Variants in COL6A6 observed in about 807,000 individuals in gnomAD.
COL6A6 encodes the protein collagen type VI alpha 6 chain.
COL6A6 carries 183 observed loss-of-function variants against 208.6 expected under a neutral mutation model. The ratio of observed to expected loss-of-function variants is 0.88; its 90% CI spans 0.78 to 0.99. COL6A6 has a LOEUF of 0.99. Among genes scored for constraint, COL6A6 ranks in the 50% least tolerant of loss-of-function variants. The pLI is 0.00. For synonymous variants in COL6A6, 973 were observed against 1,011.8 expected, an observed-to-expected ratio of 0.96 and a Z score of 0.73; for missense variants, 2,816 against 2,815.2, an observed-to-expected ratio of 1.00 and a Z score of -0.01.
chr3:130,586,450 A>G, intron 10 of COL6A6, 56 bp from the exon 11 acceptor site: 2 of 1,514,042 alleles, frequency 1.3e-6, no homozygotes, highest in Non-Finnish European at 1.8e-6. Context: ...ATGCTTGCAA[A>G]AAACTAAAGT....
Position 130,591,051 on chromosome 3 carries a change from G to C in COL6A6, c.4229G>C (p.Gly1410Ala). The stretch of plus-strand genomic sequence containing the variant: ...TTTTCTTATTTCCAGGGACCTCCAG[G>C]TTTTAAAGGCAGTGAAGGCTACCTG... ...PGPPGKRGPP[G>A]FKGSEGYLGE... The change falls in exon 13 of 37, where the codon GGT becomes GCT. Residue 1410 changes from glycine to alanine, a missense_variant. Gly to Ala is a moderately conservative substitution (Grantham distance 60, BLOSUM62 0). Coordinates refer to ENST00000358511, the MANE Select transcript of COL6A6 (RefSeq NM_001102608.3). The C allele has an allele frequency of 6.3e-7, 1 of 1,580,142 alleles. No individual in the cohort carries two copies. The highest frequency in any genetic ancestry group is 8.6e-7 in the Non-Finnish European group (1 of 1,161,068).
chr3:130,535,171 C>G (rs2062195306), intron 1 of COL6A6, among the ~76,000 whole-genome samples: 1 of 152,092 alleles, frequency 6.6e-6, no homozygotes, highest in Non-Finnish European at 1.5e-5. Context: ...TGTTCTCACT[C>G]CAGGCTTTTA....
intron 1 of COL6A6, among the ~76,000 whole-genome samples, chr3:130,543,924 G>A (rs560682780): frequency 6.6e-6 from 1 of 152,098 alleles, no homozygotes; most frequent in Non-Finnish European, 1.5e-5. Flanking sequence ...CTTTTTTATT[G>A]TGTATTTTTA....
At chr3:130,664,907 A>G (rs1398066463) in intron 35 of COL6A6, 96 bp from the exon 36 acceptor site, 4 of 769,930 alleles carry the variant, frequency 5.2e-6, no homozygotes, top group Non-Finnish European at 8.6e-6. Flanking sequence ...CTTGATGGCT[A>G]TTTAAAACAG....
intron 36 of COL6A6, among the ~76,000 whole-genome samples, chr3:130,666,890 G>T (rs1030114038): frequency 6.6e-6 from 1 of 152,084 alleles, no homozygotes; most frequent in African/African-American, 2.4e-5. Flanking sequence ...GCAACAGTTG[G>T]ACATAGTATG....
chr3:130,614,297 A>C (rs1333590778), intron 23 of COL6A6, among the ~76,000 whole-genome samples: 1 of 152,132 alleles, frequency 6.6e-6, no homozygotes, highest in African/African-American at 2.4e-5. Context: ...TTCTATTTAC[A>C]TGACGAATCA....
At position 130,661,635 on chromosome 3, in the gene COL6A6, A is replaced by T; in HGVS notation, c.5831-2A>T. The T allele has an allele frequency of 6.3e-7, 1 of 1,596,220 alleles. No homozygotes were observed. The highest frequency in any genetic ancestry group is 8.5e-7 in the Non-Finnish European group (1 of 1,171,262). On this transcript the variant is annotated splice_acceptor_variant, in intron 34 of 36. Coordinates refer to ENST00000358511, the MANE Select transcript of COL6A6 (RefSeq NM_001102608.3). LOFTEE classifies it high-confidence loss of function. ...TAACCCAGAGTAACTTTTGGTTCAC[A>T]GATGTGTGCAAGCCAGATGCTTCTT...
chr3:130,625,002 A>G (rs2064843169), intron 24 of COL6A6, among the ~76,000 whole-genome samples: 1 of 152,208 alleles, frequency 6.6e-6, no homozygotes, highest in African/African-American at 2.4e-5. Flanking sequence ...TTTCCTTACC[A>G]TAAGGCAGAT....
intron 12 of COL6A6, 98 bp from the exon 13 acceptor site, chr3:130,590,943 A>G: frequency 1.2e-6 from 1 of 862,532 alleles, no homozygotes; most frequent in South Asian, 1.5e-5. Context: ...AACACTTACT[A>G]TTCCACATGA....
chr3:130,611,819 G>A (rs1303733), intron 23 of COL6A6, among the ~76,000 whole-genome samples: 8,085 of 152,174 alleles, frequency 0.053, 245 homozygotes, highest in South Asian at 0.056. Flanking sequence ...AGGTGTACAC[G>A]TGCAGGTTGG....
intron 22 of COL6A6, 114 bp from the exon 23 acceptor site, chr3:130,610,535 C>T: frequency 1.3e-6 from 1 of 791,478 alleles, no homozygotes; most frequent in Non-Finnish European, 2.1e-6. Flanking sequence ...GATTGGAGCT[C>T]TCTTTCCCAT....
At chr3:130,620,137 G>A (rs1386206358) in intron 23 of COL6A6, among the ~76,000 whole-genome samples, 1 of 151,926 alleles carries the variant, frequency 6.6e-6, no homozygotes, top group African/African-American at 2.4e-5. Flanking sequence ...TTGGCATAGA[G>A]GCTTGCTGTG....
chr3:130,595,522 G>T (rs1461670391), intron 18 of COL6A6, among the ~76,000 whole-genome samples: 1 of 152,086 alleles, frequency 6.6e-6, no homozygotes, highest in African/African-American at 2.4e-5. Flanking sequence ...CTATTAATTA[G>T]TTTTATGTGT....
intron 20 of COL6A6, 71 bp from the exon 21 acceptor site, chr3:130,606,860 T>C (rs1274561390): frequency 1.7e-6 from 2 of 1,198,264 alleles, no homozygotes; most frequent in Non-Finnish European, 1.2e-6. Flanking sequence ...AAAGTGTCCA[T>C]TATGAATTTA....
At chr3:130,652,597 T>C (rs2065676206) in intron 33 of COL6A6, among the ~76,000 whole-genome samples, 1 of 152,176 alleles carries the variant, frequency 6.6e-6, no homozygotes. Flanking sequence ...AGCAGGGTTG[T>C]CTGGAAGGGC....
At chr3:130,655,789 G>A (rs751323434) in intron 33 of COL6A6, among the ~76,000 whole-genome samples, 1 of 152,230 alleles carries the variant, frequency 6.6e-6, no homozygotes, top group Non-Finnish European at 1.5e-5. Context: ...GTGGCCAGTG[G>A]TGCCTTTGCC....
chr3:130,599,986 G>A (rs2063964539), intron 20 of COL6A6, among the ~76,000 whole-genome samples, 176 bp downstream of exon 20: 1 of 152,186 alleles, frequency 6.6e-6, no homozygotes, highest in African/African-American at 2.4e-5. Flanking sequence ...AGCCCTGGAA[G>A]CTGAGGTAGG....
chr3:130,663,193 C>T lies in COL6A6; in HGVS notation c.6502+885C>T, dbSNP rs1227597694. Among the ~76,000 whole-genome samples the T allele has an allele frequency of 2.0e-5, 3 of 152,116 alleles. No homozygotes were observed. In the East Asian group the frequency reaches 5.8e-4, roughly 29 times the overall value. On this transcript the variant is annotated intron_variant, in intron 35 of 36. Transcript: ENST00000358511. Reference sequence around the variant, plus strand: ...GCTGTAGAGACACAGACTTATCAGTCAGTGTAGGGTGAGGTCTAAGGAGCC... The same window carrying T: ...GCTGTAGAGACACAGACTTATCAGTTAGTGTAGGGTGAGGTCTAAGGAGCC...
At chr3:130,616,887 A>G (rs1334928475) in intron 23 of COL6A6, among the ~76,000 whole-genome samples, 1 of 152,126 alleles carries the variant, frequency 6.6e-6, no homozygotes, top group Non-Finnish European at 1.5e-5. Flanking sequence ...AATTATAAGG[A>G]TGGTAATAGT....
Sources: allele counts gnomAD v4.1 joint callset (sites outside exome capture counted in the v4.1 genomes callset), GRCh38; gene constraint gnomAD v4.1.1; transcripts MANE v1.5; gene names NCBI Gene and HGNC (gene_info 2026-07-23, HGNC 2026-07-21).